SLC24A2: variants seen among roughly 807,000 people sequenced by gnomAD.
SLC24A2 encodes the protein sodium/potassium/calcium exchanger 2.
A neutral mutation model predicts 62.0 loss-of-function variants in SLC24A2; 36 were observed. The ratio of observed to expected loss-of-function variants is 0.58; its 90% CI spans 0.44 to 0.77. SLC24A2 has a LOEUF of 0.77. Ranked by LOEUF, SLC24A2 falls within the 30% of genes least tolerant of loss-of-function variation. SLC24A2 has a pLI of 0.00. For missense variants in SLC24A2, 846 were observed against 817.9 expected, an observed-to-expected ratio of 1.03 and a Z score of -0.42; for synonymous variants, 358 against 294.0, an observed-to-expected ratio of 1.22 and a Z score of -2.23.
At chr9:19,932,539 A>G in the SLC24A2 span, among the ~76,000 whole-genome samples, 35 of 152,366 alleles carry the variant, frequency 2.3e-4, no homozygotes, top group Admixed American at 1.1e-3. Context: ...GAAGTTTTCA[A>G]TGTATGCTAT....
At chr9:19,691,907 C>G (rs1397058439) in intron 2 of SLC24A2, among the ~76,000 whole-genome samples, 1 of 152,116 alleles carries the variant, frequency 6.6e-6, no homozygotes, top group Middle Eastern at 3.2e-3. Context: ...AGCTCTACCC[C>G]TCCCCTCTGC....
the SLC24A2 span, among the ~76,000 whole-genome samples, chr9:19,969,555 G>A: frequency 6.6e-6 from 1 of 152,114 alleles, no homozygotes; most frequent in Non-Finnish European, 1.5e-5. Context: ...GATGTCCACA[G>A]TAAGTTCCAC....
At chr9:20,159,805 G>A in the SLC24A2 span, among the ~76,000 whole-genome samples, 1 of 151,466 alleles carries the variant, frequency 6.6e-6, no homozygotes, top group African/African-American at 2.4e-5. Context: ...AATACAAGTA[G>A]TATTTGGTAT....
the SLC24A2 span, among the ~76,000 whole-genome samples, chr9:20,137,838 C>T: frequency 2.6e-4 from 39 of 152,192 alleles, no homozygotes; most frequent in East Asian, 7.1e-3. Flanking sequence ...AATAAATTGA[C>T]CACAGATTAT....
At chr9:20,011,411 T>C in the SLC24A2 span, among the ~76,000 whole-genome samples, 1 of 152,202 alleles carries the variant, frequency 6.6e-6, no homozygotes, top group Non-Finnish European at 1.5e-5. Flanking sequence ...ATGTCTTCTT[T>C]TGAGAAGTGT....
chr9:20,248,665 G>C, the SLC24A2 span, among the ~76,000 whole-genome samples: 8 of 152,274 alleles, frequency 5.3e-5, no homozygotes, highest in Admixed American at 1.3e-4. Context: ...TTTACCATAT[G>C]AATTTGGGGG....
At chr9:19,746,946 C>G (rs1457806083) in intron 2 of SLC24A2, among the ~76,000 whole-genome samples, 1 of 151,940 alleles carries the variant, frequency 6.6e-6, no homozygotes, top group African/African-American at 2.4e-5. Context: ...CAGAGCAATA[C>G]AAAGGAAAAA....
At chr9:19,549,611 T>A (rs1407831893) in intron 8 of SLC24A2, among the ~76,000 whole-genome samples, 1 of 152,226 alleles carries the variant, frequency 6.6e-6, no homozygotes, top group Non-Finnish European at 1.5e-5. Flanking sequence ...TGTTTAGGCA[T>A]TCCAGTAGAC....
At chr9:20,121,186 T>A in the SLC24A2 span, among the ~76,000 whole-genome samples, 1 of 150,680 alleles carries the variant, frequency 6.6e-6, no homozygotes, top group African/African-American at 2.4e-5. Flanking sequence ...TGAAATTGAA[T>A]TGCATTTATA....
At chr9:20,158,867 A>G in the SLC24A2 span, among the ~76,000 whole-genome samples, 3 of 151,804 alleles carry the variant, frequency 2.0e-5, no homozygotes, top group South Asian at 4.1e-4. Flanking sequence ...CTATGTTGAA[A>G]GGACCCATTA....
chr9:20,270,840 T>C, the SLC24A2 span, among the ~76,000 whole-genome samples: 80 of 152,340 alleles, frequency 5.3e-4, no homozygotes, highest in Non-Finnish European at 9.1e-4. Flanking sequence ...AAAGCTGATG[T>C]CTTAGAATAT....
At chr9:20,213,886 T>A in the SLC24A2 span, among the ~76,000 whole-genome samples, 1 of 152,234 alleles carries the variant, frequency 6.6e-6, no homozygotes, top group Non-Finnish European at 1.5e-5. Context: ...ATAGGTATTA[T>A]GATCTATATC....
At chr9:20,204,215 AC>A in the SLC24A2 span, among the ~76,000 whole-genome samples, 4 of 152,228 alleles carry the variant, frequency 2.6e-5, no homozygotes, top group African/African-American at 9.6e-5. Flanking sequence ...AAATAATAAA[AC>A]CTTGTACAGT....
the SLC24A2 span, among the ~76,000 whole-genome samples, chr9:19,801,740 G>A: frequency 3.3e-5 from 5 of 152,298 alleles, no homozygotes; most frequent in South Asian, 8.3e-4. Context: ...TGTGTTTAAA[G>A]GTGGAAGTGG....
the SLC24A2 span, among the ~76,000 whole-genome samples, chr9:19,813,317 C>CTTTTTTTTTTTTTTTT: frequency 1.2e-5 from 1 of 86,274 alleles, no homozygotes; most frequent in Non-Finnish European, 2.1e-5. Context: ...TCATCTTCCT[C>CTTTTTTTTTTTTTTTT]TTTTTTTTTT....
intron 2 of SLC24A2, among the ~76,000 whole-genome samples, chr9:19,740,255 G>A (rs959743533): frequency 2.6e-5 from 4 of 152,134 alleles, no homozygotes; most frequent in African/African-American, 9.7e-5. Flanking sequence ...GCATACAAGT[G>A]TGTACCAAAA....
the SLC24A2 span, chr9:19,927,741 A>C: frequency 1.3e-5 from 2 of 152,278 alleles, no homozygotes; most frequent in African/African-American, 4.8e-5. Context: ...CGGGAGAGCC[A>C]ACCAAACTCA....
the SLC24A2 span, among the ~76,000 whole-genome samples, chr9:20,016,852 T>C: frequency 2.0e-5 from 3 of 152,108 alleles, no homozygotes; most frequent in Non-Finnish European, 2.9e-5. Context: ...AGGGGCATAC[T>C]TGGGTATCAG....
the SLC24A2 span, among the ~76,000 whole-genome samples, chr9:20,160,843 A>C: frequency 6.7e-6 from 1 of 148,904 alleles, no homozygotes. Flanking sequence ...TCTAACTCAA[A>C]AGCCTAAAAC....
Sources: gnomAD v4.1 joint callset for allele counts (sites outside exome capture counted in the v4.1 genomes callset) on GRCh38, gnomAD v4.1.1 for gene constraint, MANE v1.5 for transcripts, NCBI Gene and HGNC (gene_info 2026-07-23, HGNC 2026-07-21) for gene names.